ADCY4: variants seen among roughly 807,000 people sequenced by gnomAD.
The protein encoded by ADCY4 is adenylate cyclase type 4.
ADCY4 carries 111 observed loss-of-function variants against 125.5 expected under a neutral mutation model. The observed-to-expected ratio is 0.88, with a 90% CI of 0.76 to 1.04. The LOEUF (loss-of-function observed/expected upper bound fraction) is 1.04. ADCY4 is among the 50% of genes least tolerant of loss of function. The pLI is 0.00. For synonymous variants in ADCY4, 576 were observed against 586.9 expected (o/e 0.98, Z 0.27); for missense variants, 1,256 against 1,382.9 (o/e 0.91, Z 1.46).
chr14:24,319,685 T>C lies in ADCY4; in HGVS notation c.2733+57A>G. On this transcript the variant is annotated intron_variant, in intron 21 of 24. Transcript: ENST00000418030. This position sits in a 1 kb window ranked among gnomAD's most constrained non-coding sequence, Gnocchi z 4.5. ...AGAAAAGCAAAGTGGAAGGAGGTAC[T>C]GGTGGAAAATTCTAGAATCTAGGAC... 6.2e-7 allele frequency: 1 copy of C among 1,608,198 alleles called. No homozygotes were observed.
intron 3 of ADCY4, chr14:24,332,284 T>G: frequency 2.1e-6 from 1 of 478,816 alleles, no homozygotes; most frequent in African/African-American, 2.0e-5. Flanking sequence ...ATTAACCACA[T>G]CTGTTGTCCC....
chr14:24,321,257 A>T (rs201208645), intron 20 of ADCY4, among the ~76,000 whole-genome samples: 469 of 150,822 alleles, frequency 3.1e-3, no homozygotes, highest in Non-Finnish European at 4.1e-3. Context: ...CTAAAAAAAA[A>T]AAATATAAAA....
chr14:24,333,898 T>C (rs187228827), intron 1 of ADCY4, among the ~76,000 whole-genome samples: 133 of 152,286 alleles, frequency 8.7e-4, no homozygotes, highest in South Asian at 6.0e-3. Context: ...TCCCAGCATT[T>C]TGTCCCCACC....
intron 10 of ADCY4, chr14:24,328,839 G>T: frequency 1.6e-6 from 1 of 607,208 alleles, no homozygotes; most frequent in Non-Finnish European, 2.9e-6. Flanking sequence ...TAGGGATCTT[G>T]TATCTTCTCT....
Position 24,329,095 on chromosome 14 carries a change from C to G in ADCY4, c.1490G>C (p.Gly497Ala), listed in dbSNP as rs558422046. 2 of 1,613,842 alleles carry G rather than the reference C, an allele frequency of 1.2e-6. No homozygotes were observed. The highest frequency in any genetic ancestry group is 1.3e-5 in the African/African-American group (1 of 74,984). ...AAKPFAHLSH[G>A]DSPVSTSTPL... ...GGTGGAGGTGGACACAGGGCTGTCT[C>G]CGTGGCTCAGGTGGGCAAAAGGCTT... The change falls in exon 10 of 25, where the codon GGA (glycine) becomes GCA (alanine). Residue 497 changes from glycine (G) to alanine (A), a missense_variant. Transcript: ENST00000418030.
intron 20 of ADCY4, among the ~76,000 whole-genome samples, chr14:24,321,489 C>T (rs1216732167): frequency 6.7e-6 from 1 of 149,856 alleles, no homozygotes; most frequent in Non-Finnish European, 1.5e-5. Context: ...GAGAGTGAAA[C>T]TGTGTCTTAA....
Position 24,323,417 on chromosome 14 carries a change from G to T in ADCY4, c.2084C>A (p.Ala695Asp). Residue 695 changes from alanine (A) to aspartate (D), a missense_variant, in exon 17 of 25, where the codon GCT (alanine) becomes GAT (aspartate). Ala to Asp is a moderately radical substitution (Grantham distance 126). Coordinates refer to ENST00000418030, the MANE Select transcript of ADCY4 (RefSeq NM_001198568.2). ...FPTSSDCPFQ[A>D]PNVSSMISNL... ...GGAAATCATGGAGGACACATTGGGA[G>T]CTTGGAAAGGGCAGTCTGATGATGT... The T allele has an allele frequency of 1.3e-6, 2 of 1,556,246 alleles. No individual in the cohort carries two copies. Among genetic ancestry groups the T allele is most frequent in the Non-Finnish European group, 1.7e-6 (2 of 1,148,968 alleles).
At chr14:24,330,928 G>A in intron 6 of ADCY4, 90 bp downstream of exon 6, 1 of 1,194,836 alleles carries the variant, frequency 8.4e-7, no homozygotes, top group East Asian at 2.4e-5. Context: ...GTGGGCCTGG[G>A]ATCTTATAAG....
chr14:24,331,544 T>C, intron 4 of ADCY4, 188 bp from the exon 5 acceptor site: 1 of 899,770 alleles, frequency 1.1e-6, no homozygotes, highest in Non-Finnish European at 1.6e-6. Context: ...GTGACTAAAC[T>C]CCCAGTATCA....
chr14:24,320,966 T>C (rs1594648760), intron 20 of ADCY4, among the ~76,000 whole-genome samples: 1 of 152,124 alleles, frequency 6.6e-6, no homozygotes, highest in African/African-American at 2.4e-5. Context: ...GACCCAAGGA[T>C]GGGTTTCATG....
intron 10 of ADCY4, chr14:24,328,508 C>T (rs1050077698): frequency 1.9e-5 from 3 of 155,802 alleles, no homozygotes; most frequent in Admixed American, 1.3e-4. Flanking sequence ...TTCTCTTTGT[C>T]TCCTCTCCCT....
Position 24,325,454 on chromosome 14 carries a change from G to T in ADCY4, c.1746C>A (p.Pro582=), listed in dbSNP as rs375378962. Residue 582 remains proline, a synonymous_variant, in exon 14 of 25, where the codon CCC becomes CCA. Transcript: ENST00000418030. Reference sequence around the variant, plus strand: ...TGCAGGCTTCATAGTATTTGAAGGCGGGGATTGCAGAGAGTCGGTACTGAA... The same window carrying T: ...TGCAGGCTTCATAGTATTTGAAGGCTGGGATTGCAGAGAGTCGGTACTGAA... ...MEKEYRLSAI[P]AFKYYEACTF... The T allele has an allele frequency of 3.7e-6, 6 of 1,613,762 alleles. No individual in the cohort carries two copies. In the South Asian group the frequency reaches 5.5e-5, roughly 15 times the overall value.
intron 6 of ADCY4, 138 bp downstream of exon 6, chr14:24,330,880 C>T: frequency 1.4e-6 from 1 of 716,220 alleles, no homozygotes; most frequent in East Asian, 2.7e-5. Context: ...AGGGTTTCCT[C>T]CTTCCACTGG....
intron 10 of ADCY4, 119 bp from the exon 11 acceptor site, chr14:24,326,461 C>T (rs539659316): frequency 9.0e-6 from 11 of 1,219,642 alleles, no homozygotes; most frequent in Non-Finnish European, 1.3e-5. Context: ...TCACTGGGCT[C>T]TTTCTTTTGC....
intron 10 of ADCY4, chr14:24,326,584 T>C (rs973394370): frequency 5.0e-6 from 2 of 398,546 alleles, no homozygotes; most frequent in Non-Finnish European, 9.3e-6. Flanking sequence ...TGTGTGTGTG[T>C]GTGTGTGTGT....
intron 6 of ADCY4, 177 bp from the exon 7 acceptor site, chr14:24,330,472 C>T (rs1173601191): frequency 1.2e-6 from 1 of 822,246 alleles, no homozygotes; most frequent in Non-Finnish European, 1.8e-6. Context: ...GTCTTTCATA[C>T]AGATCTCTTT....
chr14:24,331,938 C>T lies in ADCY4; in HGVS notation c.520-1G>A. On this transcript the variant is annotated splice_acceptor_variant, in intron 3 of 24. Coordinates refer to ENST00000418030, the MANE Select transcript of ADCY4 (RefSeq NM_001198568.2). LOFTEE classifies it high-confidence loss of function. ...GGAACAGCACTGCGTTTGCTGCCAA[C>T]TGTGGGTGAAGGCCAGCCTCAGAGG... 1 of 1,554,892 alleles carries T rather than the reference C, an allele frequency of 6.4e-7. No homozygotes were observed. The highest frequency in any genetic ancestry group is 1.2e-5 in the South Asian group (1 of 86,666).
At position 24,330,974 on chromosome 14, in the gene ADCY4, G is replaced by A. The variant is rs757778739; in HGVS notation, c.930+44C>T. On this transcript the variant is annotated intron_variant, in intron 6 of 24. Coordinates refer to ENST00000418030, the MANE Select transcript of ADCY4 (RefSeq NM_001198568.2). ...CCCTTGGAAGGGGCTACCCAGGATG[G>A]GATGTTTGAGGGTCCCTGGGTGGGG... The A allele has an allele frequency of 4.5e-6, 7 of 1,540,230 alleles. No homozygotes were observed. In the African/African-American group the frequency reaches 6.8e-5, roughly 15 times the overall value.
chr14:24,321,188 A>G (rs1199499297), intron 20 of ADCY4, among the ~76,000 whole-genome samples: 4 of 147,218 alleles, frequency 2.7e-5, no homozygotes, highest in African/African-American at 5.1e-5. Context: ...AGGTGGGTGG[A>G]TCACCTGAGA....
Sources: allele counts gnomAD v4.1 joint callset (sites outside exome capture counted in the v4.1 genomes callset), GRCh38; gene constraint gnomAD v4.1.1; non-coding constraint Gnocchi (gnomAD v3.1); transcripts MANE v1.5; gene names NCBI Gene and HGNC (gene_info 2026-07-23, HGNC 2026-07-21).